Variants in EXT2 observed in about 807,000 individuals in gnomAD.
The protein encoded by EXT2 is exostosin glycosyltransferase 2.
A neutral mutation model predicts 81.6 loss-of-function variants in EXT2; 53 were observed. The ratio of observed to expected loss-of-function variants is 0.65; its 90% CI spans 0.52 to 0.82. EXT2 has a LOEUF of 0.82. EXT2 is among the 40% of genes least tolerant of loss of function. The probability of loss-of-function intolerance (pLI) is 0.00; values close to 1 mark genes in which losing one functional copy is unlikely to be tolerated. For missense variants in EXT2, 774 were observed against 910.2 expected, an observed-to-expected ratio of 0.85 and a Z score of 1.93; for synonymous variants, 320 against 340.0, an observed-to-expected ratio of 0.94 and a Z score of 0.65.
rs1956134890 is a variant in EXT2 at position 44,251,145 on chromosome 11, C to A, written c.*6858C>A. ...TTACAACTTGGCCAAATGAGGGTTC[C>A]ATTAACTCCATCTTGTCTAATGCAT... On this transcript the variant is annotated 3_prime_UTR_variant, in exon 14 of 14. Transcript: ENST00000533608. Among the ~76,000 whole-genome samples the A allele has an allele frequency of 6.6e-6, 1 of 152,050 alleles. No homozygotes were observed. Among genetic ancestry groups the A allele is most frequent in the African/African-American group, 2.4e-5 (1 of 41,392 alleles).
chr11:44,190,849 AC>A (rs1346894468), intron 8 of EXT2, among the ~76,000 whole-genome samples: 1 of 152,202 alleles, frequency 6.6e-6, no homozygotes, highest in Non-Finnish European at 1.5e-5. Flanking sequence ...GGTTAGGCTC[AC>A]ACAGCTACCA....
At chr11:44,235,250 T>G (rs75496639) in intron 12 of EXT2, among the ~76,000 whole-genome samples, 512 of 121,876 alleles carry the variant, frequency 4.2e-3, no homozygotes, top group African/African-American at 0.011. Flanking sequence ...TTTTTTTTTT[T>G]GGTGAGACTG....
chr11:44,131,565 C>T (rs1954493348), intron 7 of EXT2, among the ~76,000 whole-genome samples: 1 of 152,136 alleles, frequency 6.6e-6, no homozygotes, highest in Admixed American at 6.5e-5. Context: ...TCCTCCTGTT[C>T]GTTTTAAGTT....
intron 10 of EXT2, among the ~76,000 whole-genome samples, chr11:44,216,142 C>T (rs1400162550): frequency 6.6e-6 from 1 of 152,164 alleles, no homozygotes; most frequent in East Asian, 1.9e-4. Context: ...TCCCAAAGTG[C>T]TGGGATTACA....
chr11:44,170,188 T>C lies in EXT2; in HGVS notation c.1174-1423T>C, dbSNP rs554749846. On this transcript the variant is annotated intron_variant, in intron 7 of 13. Transcript: ENST00000533608. ...CAGCGCAGTCAAAGTGCAGTCAAAGTAGAAATCAGTAACAGAAAGATAAAT... is the reference window on the plus strand; with the variant it reads ...CAGCGCAGTCAAAGTGCAGTCAAAGCAGAAATCAGTAACAGAAAGATAAAT... Among the ~76,000 whole-genome samples the C allele has an allele frequency of 2.6e-5, 4 of 152,188 alleles. No homozygotes were observed. The East Asian group carries it at 7.7e-4, about 29-fold the overall frequency.
At chr11:44,233,279 A>G (rs1367388339) in intron 11 of EXT2, among the ~76,000 whole-genome samples, 1 of 152,196 alleles carries the variant, frequency 6.6e-6, no homozygotes. Context: ...AAACTGTTTT[A>G]CCATGCCTTT....
chr11:44,155,342 AT>A lies in EXT2; in HGVS notation c.1174-16267del, dbSNP rs1483561574. Among the ~76,000 whole-genome samples the A allele has an allele frequency of 2.6e-5, 4 of 152,186 alleles. No individual in the cohort carries two copies. The East Asian group carries it at 7.7e-4, about 29-fold the overall frequency. ...CGTGTTATTGATAAGTTAAGGACTT[AT>A]TCCTGCCATTTTGTTATTTGTTTCC... On this transcript the variant is annotated intron_variant, in intron 7 of 13. Transcript: ENST00000533608.
At chr11:44,165,467 TG>T (rs1189779156) in intron 7 of EXT2, among the ~76,000 whole-genome samples, 5 of 152,248 alleles carry the variant, frequency 3.3e-5, no homozygotes, top group Non-Finnish European at 7.3e-5. Flanking sequence ...CTATGATTAT[TG>T]GCAAAACTTG....
At chr11:44,172,021 A>G (rs1355219170) in intron 8 of EXT2, 2 of 476,140 alleles carry the variant, frequency 4.2e-6, no homozygotes, top group Non-Finnish European at 7.7e-6. Context: ...GTTGGAAATC[A>G]AAGACATCCC....
intron 8 of EXT2, among the ~76,000 whole-genome samples, chr11:44,196,949 G>A (rs1258098131): frequency 1.3e-5 from 2 of 152,198 alleles, no homozygotes; most frequent in African/African-American, 4.8e-5. Context: ...TTCTTTGTGT[G>A]AAGGCCAGCT....
chr11:44,161,176 G>T (rs1954922583), intron 7 of EXT2, among the ~76,000 whole-genome samples: 1 of 152,160 alleles, frequency 6.6e-6, no homozygotes, highest in Admixed American at 6.5e-5. Context: ...AAATAGGTGA[G>T]ATATGTTAGC....
rs1483468760 is a variant in EXT2 at position 44,247,021 on chromosome 11, G to A, written c.*2734G>A. Among the ~76,000 whole-genome samples, 1 of 152,244 alleles carries A rather than the reference G, an allele frequency of 6.6e-6. No individual in the cohort carries two copies. The highest frequency in any genetic ancestry group is 2.4e-5 in the African/African-American group (1 of 41,470). On this transcript the variant is annotated 3_prime_UTR_variant, in exon 14 of 14. Transcript: ENST00000533608. ...ACTGAGCCACTGGCTTTGCCCCCAG[G>A]GGCCTAACTGGGATGGGCCTGCTTG...
chr11:44,168,031 C>G (rs1015431872), intron 7 of EXT2, among the ~76,000 whole-genome samples: 1 of 139,148 alleles, frequency 7.2e-6, no homozygotes, highest in African/African-American at 2.6e-5. Flanking sequence ...TCCAAGTGTT[C>G]TCGTAGTTCA....
chr11:44,115,789 G>A (rs1331860282), intron 4 of EXT2: 1 of 152,130 alleles, frequency 6.6e-6, no homozygotes, highest in Non-Finnish European at 1.5e-5. Context: ...TCTACCATGT[G>A]GCCCGGGACC....
At chr11:44,147,360 G>A (rs1954732113) in intron 7 of EXT2, among the ~76,000 whole-genome samples, 1 of 152,196 alleles carries the variant, frequency 6.6e-6, no homozygotes, top group African/African-American at 2.4e-5. Flanking sequence ...GGCACAAAGT[G>A]TTTAGAAGAT....
intron 10 of EXT2, among the ~76,000 whole-genome samples, chr11:44,232,089 T>C (rs976373489): frequency 2.0e-5 from 3 of 152,134 alleles, no homozygotes; most frequent in Non-Finnish European, 2.9e-5. Context: ...TTGGCCCAAC[T>C]CAGTAAGCTA....
chr11:44,160,236 A>G (rs939803112), intron 7 of EXT2, among the ~76,000 whole-genome samples: 2 of 152,170 alleles, frequency 1.3e-5, no homozygotes, highest in Non-Finnish European at 2.9e-5. Flanking sequence ...TGTCAATTAC[A>G]GTTAAGGTTT....
chr11:44,104,799 G>T (rs1954032287), intron 1 of EXT2: 1 of 152,234 alleles, frequency 6.6e-6, no homozygotes. Flanking sequence ...CCTGCAGCTG[G>T]TAGGGGATGG....
At chr11:44,186,013 G>C (rs932727482) in intron 8 of EXT2, among the ~76,000 whole-genome samples, 1 of 152,318 alleles carries the variant, frequency 6.6e-6, no homozygotes, top group Admixed American at 6.5e-5. Context: ...TTGGTTTATA[G>C]ATTGGCTTTC....
Sources: gnomAD v4.1 joint callset for allele counts (sites outside exome capture counted in the v4.1 genomes callset) on GRCh38, gnomAD v4.1.1 for gene constraint, MANE v1.5 for transcripts, NCBI Gene and HGNC (gene_info 2026-07-23, HGNC 2026-07-21) for gene names.